Variants in SLC17A3 observed in about 807,000 individuals in gnomAD.
The protein encoded by SLC17A3 is sodium-dependent phosphate transport protein 4.
In SLC17A3, 61 loss-of-function variants were observed where a neutral mutation model predicts 60.3. That is an observed-to-expected ratio of 1.01 (90% CI 0.82 to 1.25). The LOEUF (loss-of-function observed/expected upper bound fraction) is 1.25. Among genes scored for constraint, SLC17A3 ranks in the 50% most tolerant of loss-of-function variants. The pLI is 0.00. For synonymous variants in SLC17A3, 192 were observed against 208.9 expected, an observed-to-expected ratio of 0.92 and a Z score of 0.70; for missense variants, 624 against 594.9, an observed-to-expected ratio of 1.05 and a Z score of -0.51.
chr6:25,856,463 T>G (rs923548818), intron 5 of SLC17A3, among the ~76,000 whole-genome samples: 9 of 152,194 alleles, frequency 5.9e-5, no homozygotes, highest in Non-Finnish European at 1.3e-4. Context: ...GGCCTTGAAC[T>G]CCTGGCCTCA....
chr6:25,847,788 T>TTATCAAATATCTTTAATCA (rs1765202392), intron 11 of SLC17A3, among the ~76,000 whole-genome samples: 2 of 152,130 alleles, frequency 1.3e-5, no homozygotes, highest in Non-Finnish European at 2.9e-5. Context: ...CAGGTGATAT[T>TTATCAAATATCTTTAATCA]TGATTACATG....
chr6:25,865,864 T>C (rs1418768869), intron 2 of SLC17A3, among the ~76,000 whole-genome samples: 2 of 151,954 alleles, frequency 1.3e-5, no homozygotes, highest in African/African-American at 4.8e-5. Context: ...AAATTGTAAA[T>C]TAAGAAGCAC....
chr6:25,851,297 G>T (rs1765273143), intron 6 of SLC17A3, among the ~76,000 whole-genome samples: 1 of 147,896 alleles, frequency 6.8e-6, no homozygotes, highest in Non-Finnish European at 1.5e-5. Context: ...TACACATTCT[G>T]AATAAAAATC....
Position 25,850,140 on chromosome 6 carries a change from C to T in SLC17A3, c.1031G>A (p.Trp344Ter), listed in dbSNP as rs565447326. Residue 344 changes from tryptophan to a stop codon, truncating the protein, a stop_gained, in exon 9 of 13, where the codon TGG becomes TAG. Coordinates refer to ENST00000397060, the MANE Select transcript of SLC17A3 (RefSeq NM_001098486.2). LOFTEE classifies it high-confidence loss of function. ...ATAGCCTCCCACCATGCCTATGACC[C>T]AGGCAACAATAAAAGGAAGGGCAGA... ...LLSALPFIVA[W>*]VIGMVGGYLA... The T allele has an allele frequency of 1.9e-6, 3 of 1,613,380 alleles. No individual in the cohort carries two copies. Among genetic ancestry groups the T allele is most frequent in the South Asian group, 2.2e-5 (2 of 91,052 alleles).
intron 6 of SLC17A3, among the ~76,000 whole-genome samples, chr6:25,853,265 TTC>T (rs1181893477): frequency 1.0e-4 from 15 of 147,264 alleles, no homozygotes; most frequent in Non-Finnish European, 1.0e-4. Context: ...TTTCTTTCCT[TTC>T]TCTCTCTCTC....
intron 6 of SLC17A3, among the ~76,000 whole-genome samples, chr6:25,853,073 A>T (rs189794917): frequency 1.3e-5 from 2 of 152,282 alleles, no homozygotes; most frequent in Admixed American, 6.5e-5. Context: ...GAGGAACAAC[A>T]TTTATGAGTA....
At chr6:25,869,294 T>G (rs1165932372) in intron 1 of SLC17A3, among the ~76,000 whole-genome samples, 1 of 152,048 alleles carries the variant, frequency 6.6e-6, no homozygotes, top group South Asian at 2.1e-4. Flanking sequence ...AATTTATGAT[T>G]CTCTTAAAGA....
chr6:25,849,520 C>T (rs1347972215), intron 10 of SLC17A3, 56 bp from the exon 11 acceptor site: 3 of 1,028,256 alleles, frequency 2.9e-6, no homozygotes, highest in Non-Finnish European at 4.6e-6. Flanking sequence ...CAGTATCCTT[C>T]AGCCCTGATC....
rs1031991511 is a variant in SLC17A3 at position 25,850,976 on chromosome 6, G to A, written c.713-99C>T. On this transcript the variant is annotated intron_variant, in intron 6 of 12. Transcript: ENST00000397060. ...TTTTCTGTTATAAGTTCTAGGAAAA[G>A]CTCATGTTCATTATATCCCTTTTCC... The A allele has an allele frequency of 5.6e-6, 5 of 888,144 alleles. No homozygotes were observed. In the African/African-American group the frequency reaches 8.2e-5, roughly 15 times the overall value. The allele number at this position is 888,144 out of a possible 1,614,324, so 55.0% of individuals were successfully genotyped here.
intron 2 of SLC17A3, 118 bp from the exon 3 acceptor site, chr6:25,862,562 A>T (rs775274504): frequency 2.3e-6 from 2 of 858,568 alleles, no homozygotes; most frequent in Non-Finnish European, 3.8e-6. Context: ...TACTTAAATG[A>T]CACTTCTGTT....
chr6:25,845,397 T>C lies in SLC17A3; in HGVS notation c.1482A>G (p.Lys494=). 1 of 1,613,918 alleles carries C rather than the reference T, an allele frequency of 6.2e-7. No homozygotes were observed. The highest frequency in any genetic ancestry group is 8.5e-7 in the Non-Finnish European group (1 of 1,179,916). The change falls in exon 12 of 13, where the codon AAA becomes AAG. Residue 494 remains lysine (K), a synonymous_variant. Coordinates refer to ENST00000397060, the MANE Select transcript of SLC17A3 (RefSeq NM_001098486.2). ...ADVQEWAKER[K]LTRL ...TCCTTTACCTTCATAAACGAGTGAG[T>C]TTTCTCTCTTTAGCCCATTCTTGGA...
chr6:25,855,076 C>A (rs1335715086), intron 6 of SLC17A3, 68 bp downstream of exon 6: 1 of 1,031,204 alleles, frequency 9.7e-7, no homozygotes, highest in Non-Finnish European at 1.5e-6. Flanking sequence ...AAACTATACA[C>A]AAAATATACT....
At chr6:25,847,988 T>C (rs1415581580) in intron 11 of SLC17A3, among the ~76,000 whole-genome samples, 1 of 152,212 alleles carries the variant, frequency 6.6e-6, no homozygotes, top group Non-Finnish European at 1.5e-5. Flanking sequence ...TGAGTGAGAA[T>C]GTATGATGTT....
In SLC17A3 at chr6:25,850,082, T is replaced by C; in HGVS notation, c.1089A>G (p.Arg363=). 6.2e-7 allele frequency: 1 copy of C among 1,613,950 alleles called. No homozygotes were observed. The highest frequency in any genetic ancestry group is 8.5e-7 in the Non-Finnish European group (1 of 1,179,870). ...LADFLLTKKF[R]LITVRKIATI... ...TGGCAATTTTCCTCACAGTGATGAGTCTAAACTTTTTGGTTAGAAGGAAAT... is the reference window on the plus strand; with the variant it reads ...TGGCAATTTTCCTCACAGTGATGAGCCTAAACTTTTTGGTTAGAAGGAAAT... The change falls in exon 9 of 13, where the codon AGA becomes AGG. Residue 363 remains arginine, a synonymous_variant. Transcript: ENST00000397060.
intron 6 of SLC17A3, among the ~76,000 whole-genome samples, chr6:25,852,368 C>A (rs1390185199): frequency 6.6e-6 from 1 of 152,000 alleles, no homozygotes; most frequent in African/African-American, 2.4e-5. Context: ...TTTTTTGGAT[C>A]TGTGAATTTA....
chr6:25,857,144 A>G (rs188708398), intron 5 of SLC17A3, among the ~76,000 whole-genome samples: 33 of 152,028 alleles, frequency 2.2e-4, no homozygotes, highest in Middle Eastern at 3.4e-3. Flanking sequence ...AGCTGAGATC[A>G]TGCCACTGCA....
chr6:25,862,446 T>G lies in SLC17A3; in HGVS notation c.92-2A>C. On this transcript the variant is annotated splice_acceptor_variant, in intron 2 of 12. Coordinates refer to ENST00000397060, the MANE Select transcript of SLC17A3 (RefSeq NM_001098486.2). LOFTEE classifies it high-confidence loss of function. Reference sequence around the variant, plus strand: ...AGCGAGCAGAACATAAACTTGGAACTGGAAATATTATGACATCATATTAGT... The same window carrying G: ...AGCGAGCAGAACATAAACTTGGAACGGGAAATATTATGACATCATATTAGT... 2 of 1,609,982 alleles carry G rather than the reference T, an allele frequency of 1.2e-6. No homozygotes were observed. Among genetic ancestry groups the G allele is most frequent in the Non-Finnish European group, 1.7e-6 (2 of 1,176,318 alleles).
intron 2 of SLC17A3, among the ~76,000 whole-genome samples, chr6:25,864,006 T>C (rs1765494306): frequency 6.6e-6 from 1 of 151,948 alleles, no homozygotes; most frequent in Non-Finnish European, 1.5e-5. Context: ...TAGAAGGTGA[T>C]AAATGCTGTA....
chr6:25,867,338 GA>G (rs1561860358), intron 2 of SLC17A3, among the ~76,000 whole-genome samples: 1 of 151,576 alleles, frequency 6.6e-6, no homozygotes, highest in Non-Finnish European at 1.5e-5. Context: ...ACCATACCAT[GA>G]ATAAAATCAC....
Sources: gnomAD v4.1 joint callset for allele counts (sites outside exome capture counted in the v4.1 genomes callset) on GRCh38, gnomAD v4.1.1 for gene constraint, MANE v1.5 for transcripts, NCBI Gene and HGNC (gene_info 2026-07-23, HGNC 2026-07-21) for gene names.